Variants in GALNT11 observed in about 807,000 individuals in gnomAD.
GALNT11 encodes UDP-GalNAc:polypeptide N-acetylgalactosaminyltransferase 11.
A neutral mutation model predicts 72.7 loss-of-function variants in GALNT11; 47 were observed. The observed-to-expected ratio is 0.65, with a 90% confidence interval of 0.51 to 0.82. GALNT11 has a LOEUF of 0.82. Among genes scored for constraint, GALNT11 ranks in the 40% least tolerant of loss-of-function variants. The pLI, the probability that GALNT11 is intolerant of heterozygous loss-of-function variation, is 0.00. For synonymous variants in GALNT11, 270 were observed against 286.6 expected (o/e 0.94, Z 0.58); for missense variants, 677 against 778.4 (o/e 0.87, Z 1.55).
At chr7:152,041,768 G>T (rs1403352855) in intron 1 of GALNT11, among the ~76,000 whole-genome samples, 1 of 152,192 alleles carries the variant, frequency 6.6e-6, no homozygotes, top group Non-Finnish European at 1.5e-5. Context: ...CCTAGAGCAG[G>T]TCATATCCAA....
chr7:152,049,975 G>A (rs1459280115), intron 1 of GALNT11, among the ~76,000 whole-genome samples: 2 of 152,056 alleles, frequency 1.3e-5, no homozygotes, highest in Admixed American at 1.3e-4. Context: ...TGTAGTGAAT[G>A]CTGCCAGGCC....
chr7:152,038,276 A>G (rs1161522578), intron 1 of GALNT11, among the ~76,000 whole-genome samples: 1 of 152,168 alleles, frequency 6.6e-6, no homozygotes, highest in Non-Finnish European at 1.5e-5. Context: ...TTACCCACAT[A>G]TTTATTGACA....
chr7:152,062,973 G>A (rs1369418003), intron 1 of GALNT11, among the ~76,000 whole-genome samples: 2 of 152,182 alleles, frequency 1.3e-5, no homozygotes, highest in African/African-American at 4.8e-5. Flanking sequence ...GATGATGCTG[G>A]CTTCATAAAA....
At chr7:152,120,252 C>G (rs2089297109) in intron 10 of GALNT11, 1 of 154,310 alleles carries the variant, frequency 6.5e-6, no homozygotes, top group South Asian at 2.0e-4. Context: ...TTAGTGAACA[C>G]TGCACACATC....
intron 7 of GALNT11, among the ~76,000 whole-genome samples, chr7:152,111,355 A>G (rs898087089): frequency 1.3e-5 from 2 of 152,062 alleles, no homozygotes; most frequent in South Asian, 2.1e-4. Context: ...GAGTCTCACT[A>G]TGTTGCCCAG....
chr7:152,054,382 C>CTT (rs759470631), intron 1 of GALNT11, among the ~76,000 whole-genome samples: 3 of 131,334 alleles, frequency 2.3e-5, no homozygotes, highest in Admixed American at 7.7e-5. Context: ...GTCTACCTCA[C>CTT]TTTTTTTTTT....
intron 1 of GALNT11, among the ~76,000 whole-genome samples, chr7:152,040,850 C>T (rs916357859): frequency 2.4e-4 from 36 of 152,276 alleles, no homozygotes; most frequent in African/African-American, 8.2e-4. Context: ...GAAGCTTTAC[C>T]GTTGCTAGAC....
chr7:152,081,254 A>G (rs924318455), intron 1 of GALNT11, among the ~76,000 whole-genome samples: 11 of 152,198 alleles, frequency 7.2e-5, no homozygotes, highest in African/African-American at 9.7e-5. Context: ...TAATTTAACT[A>G]CTTCATGGAG....
chr7:152,088,779 G>C (rs775491239), intron 1 of GALNT11, among the ~76,000 whole-genome samples: 1 of 152,098 alleles, frequency 6.6e-6, no homozygotes, highest in Non-Finnish European at 1.5e-5. Flanking sequence ...GGGCATCCAG[G>C]TTCCTGATTT....
chr7:152,075,796 CAAAA>C (rs775384082), intron 1 of GALNT11, among the ~76,000 whole-genome samples: 1 of 109,360 alleles, frequency 9.1e-6, no homozygotes, highest in Non-Finnish European at 2.0e-5. Context: ...AACTCTGTCT[CAAAA>C]AAAAAAAAAA....
chr7:152,118,589 C>A (rs2089115476), intron 9 of GALNT11, 89 bp from the exon 10 acceptor site: 2 of 1,074,946 alleles, frequency 1.9e-6, no homozygotes, highest in African/African-American at 3.2e-5. Context: ...TCCGGAATAA[C>A]CTTTCACATT....
chr7:152,028,698 C>G (rs2082160462), intron 1 of GALNT11, among the ~76,000 whole-genome samples: 1 of 151,578 alleles, frequency 6.6e-6, no homozygotes, highest in Non-Finnish European at 1.5e-5. Flanking sequence ...CTAAACAGGA[C>G]ACCCCAACTG....
chr7:152,073,497 T>C (rs2084784512), intron 1 of GALNT11, among the ~76,000 whole-genome samples: 2 of 152,256 alleles, frequency 1.3e-5, no homozygotes, highest in Admixed American at 1.3e-4. Flanking sequence ...TATGGCTGAA[T>C]AGTATTTCAT....
chr7:152,104,143 G>T (rs1029426319), intron 4 of GALNT11: 2 of 152,204 alleles, frequency 1.3e-5, no homozygotes. Context: ...CAGTGACCTT[G>T]CAAGAAAGGC....
chr7:152,089,186 G>T (rs140713919), intron 1 of GALNT11, among the ~76,000 whole-genome samples: 11 of 152,078 alleles, frequency 7.2e-5, no homozygotes, highest in Admixed American at 2.0e-4. Flanking sequence ...GAAATCATAG[G>T]GGGGTGGACA....
rs1021370828 is a variant in GALNT11 at position 152,122,213 on chromosome 7, TTAAAAAAC to T, written c.*538_*545del. The T allele has an allele frequency of 5.9e-5, 9 of 152,218 alleles. No individual in the cohort carries two copies. The highest frequency in any genetic ancestry group is 1.9e-4 in the African/African-American group (8 of 41,460). 9.4% of individuals were successfully genotyped at this position (152,218 alleles called of 1,614,324 possible). On this transcript the variant is annotated 3_prime_UTR_variant, in exon 12 of 12. Transcript: ENST00000430044. ...TTTAGTATGTTGTAAGTAGATCATT[TTAAAAAAC>T]TGAATCTATATTATGTTTAACTTCA...
At position 152,120,871 on chromosome 7, in the gene GALNT11, G is replaced by C. The variant is rs776876938; in HGVS notation, c.1598G>C (p.Ser533Thr). 1 of 1,612,730 alleles carries C rather than the reference G, an allele frequency of 6.2e-7. No individual in the cohort carries two copies. The highest frequency in any genetic ancestry group is 8.5e-7 in the Non-Finnish European group (1 of 1,178,850). Residue 533 changes from serine to threonine, a missense_variant, in exon 11 of 12, where the codon AGT (serine) becomes ACT (threonine). Transcript: ENST00000430044. The stretch of plus-strand genomic sequence containing the variant: ...GAAGAGCATGAATTGGTTTTAAATA[G>C]TCTCCTTTGTCTAGATATGTCAGAG... ...YNEEHELVLN[S>T]LLCLDMSETR...
intron 6 of GALNT11, among the ~76,000 whole-genome samples, 194 bp downstream of exon 6, chr7:152,108,481 A>T (rs1463221791): frequency 6.6e-6 from 1 of 152,248 alleles, no homozygotes; most frequent in Non-Finnish European, 1.5e-5. Context: ...TGAGTAAGAC[A>T]GTATGTGTGC....
At chr7:152,065,250 A>G (rs780505479) in intron 1 of GALNT11, among the ~76,000 whole-genome samples, 7 of 152,242 alleles carry the variant, frequency 4.6e-5, no homozygotes, top group Non-Finnish European at 8.8e-5. Context: ...CTAATCAGCT[A>G]TTGAAGCTTG....
Sources: gnomAD v4.1 joint callset for allele counts (sites outside exome capture counted in the v4.1 genomes callset) on GRCh38, gnomAD v4.1.1 for gene constraint, MANE v1.5 for transcripts, NCBI Gene and HGNC (gene_info 2026-07-23, HGNC 2026-07-21) for gene names.